The following PLIN1 variants were observed in gnomAD, a reference collection of about 807,000 sequenced individuals.
The protein encoded by PLIN1 is perilipin 1, also known as perilipin-1.
A neutral mutation model predicts 45.8 loss-of-function variants in PLIN1; 37 were observed. The ratio of observed to expected loss-of-function variants is 0.81; its 90% CI spans 0.62 to 1.06. The LOEUF (loss-of-function observed/expected upper bound fraction) is 1.06, where lower values mean the gene tolerates loss of function less well. PLIN1 is among the 50% of genes least tolerant of loss of function. The pLI is 0.00. For missense variants in PLIN1, 776 were observed against 716.5 expected (o/e 1.08, Z -0.95); for synonymous variants, 340 against 309.2 (o/e 1.10, Z -1.05).
rs1277241990 is a variant in PLIN1, at chr15:89,670,085, C to A, written c.493G>T (p.Ala165Ser). Reference protein sequence around the residue: ...GVARDTAEFAANTRAGRLASG... With the variant: ...GVARDTAEFASNTRAGRLASG... ...GCCAGTCGGCCAGCTCGAGTGTTGG[C>A]AGCAAATTCCGCAGTGTCTCTGGCC... Residue 165 changes from alanine (A) to serine (S), a missense_variant, in exon 5 of 9, where the codon GCC becomes TCC. Coordinates refer to ENST00000300055, the MANE Select transcript of PLIN1 (RefSeq NM_002666.5). 3 of 1,614,102 alleles carry A rather than the reference C, an allele frequency of 1.9e-6. No individual in the cohort carries two copies. In the Admixed American group the frequency reaches 5.0e-5, roughly 27 times the overall value.
chr15:89,679,220 A>G (rs1964562983), intron 1 of PLIN1, 31 bp downstream of exon 1: 2 of 152,142 alleles, frequency 1.3e-5, no homozygotes, highest in Admixed American at 6.6e-5. Context: ...AGAGTTTTTC[A>G]TCCCCAGCAA....
At chr15:89,671,861 A>G (rs1432667202) in intron 3 of PLIN1, among the ~76,000 whole-genome samples, 2 of 152,248 alleles carry the variant, frequency 1.3e-5, no homozygotes, top group Non-Finnish European at 2.9e-5. Context: ...AGCCTGTCTG[A>G]GCCTCTGCTT....
rs1315372333 is a variant in PLIN1, at chr15:89,670,198, G to A, written c.380C>T (p.Ala127Val). Residue 127 changes from alanine (A) to valine (V), a missense_variant, in exon 5 of 9, where the codon GCC becomes GTC. Physicochemically the swap from Ala to Val is moderately conservative, Grantham distance 64 (BLOSUM62 0). Transcript: ENST00000300055. Reference sequence around the variant, plus strand: ...GATGGGAACGCTGATGCTGTTTCTGGCACTGCGGAGGCGGGTGGAGATGGT... The same window carrying A: ...GATGGGAACGCTGATGCTGTTTCTGACACTGCGGAGGCGGGTGGAGATGGT... The part of the protein sequence containing the change: ...KDTISTRLRS[A>V]RNSISVPIAS... The A allele has an allele frequency of 6.2e-7, 1 of 1,613,784 alleles. No homozygotes were observed. The highest frequency in any genetic ancestry group is 8.5e-7 in the Non-Finnish European group (1 of 1,179,948).
chr15:89,672,330 GT>G (rs1274696444), intron 3 of PLIN1, among the ~76,000 whole-genome samples: 2 of 152,220 alleles, frequency 1.3e-5, no homozygotes, highest in African/African-American at 4.8e-5. Flanking sequence ...TTCAAGGAGA[GT>G]TCTTCATACT....
chr15:89,673,409 C>T lies in PLIN1; in HGVS notation c.51G>A (p.Gln17=), dbSNP rs1555426742. 1 of 1,597,944 alleles carries T rather than the reference C, an allele frequency of 6.3e-7. No homozygotes were observed. The highest frequency in any genetic ancestry group is 2.3e-5 in the East Asian group (1 of 44,200). The part of the protein sequence containing the change: ...LTLLDGDLPE[Q]ENVLQRVLQL... ...GCAGGACCCGCTGCAGCACATTCTC[C>T]TGCTCCTGGTGCGGAAGGAACACAT... is the stretch of plus-strand genomic sequence containing the variant. Residue 17 remains glutamine (Q), a synonymous_variant, in exon 3 of 9, where the codon CAG becomes CAA. Coordinates refer to ENST00000300055, the MANE Select transcript of PLIN1 (RefSeq NM_002666.5).
chr15:89,665,796 G>A lies in PLIN1; in HGVS notation c.1356C>T (p.Pro452=). Residue 452 remains proline (P), a synonymous_variant, in exon 9 of 9, where the codon CCC becomes CCT. Coordinates refer to ENST00000300055, the MANE Select transcript of PLIN1 (RefSeq NM_002666.5). ...TCTGCGCGCTGCGCAGGCTGCGGCG[G>A]GGCTGTGCGAGACGCGGGGCGGGCT... ...GPEPAPRLAQ[P]RRSLRSAQSP... is the part of the protein sequence containing the mutation. The A allele has an allele frequency of 7.6e-7, 1 of 1,317,776 alleles. No homozygotes were observed. The highest frequency in any genetic ancestry group is 9.7e-7 in the Non-Finnish European group (1 of 1,035,470). 81.6% of individuals were successfully genotyped at this position (1,317,776 alleles called of 1,614,324 possible).
At position 89,665,714 on chromosome 15, in the gene PLIN1, G is replaced by A. The variant is rs1293453833; in HGVS notation, c.1438C>T (p.Pro480Ser). The A allele has an allele frequency of 4.1e-5, 60 of 1,463,608 alleles. No homozygotes were observed. Among genetic ancestry groups the A allele is most frequent in the Non-Finnish European group, 5.1e-5 (57 of 1,110,516 alleles). 90.7% of individuals were successfully genotyped at this position (1,463,608 alleles called of 1,614,324 possible). A position where few individuals can be genotyped will look rare whatever the true frequency, so the allele number is the denominator to read the frequency against. ...LEDEVATPAA[P>S]RPGFPAVPRE... is the part of the protein sequence containing the mutation. The stretch of plus-strand genomic sequence containing the variant: ...GGCACGGCCGGGAAGCCCGGGCGCG[G>A]CGCTGCGGGCGTGGCGACTTCGTCC... The change falls in exon 9 of 9, where the codon CCG becomes TCG. Residue 480 changes from proline (P) to serine (S), a missense_variant. Physicochemically the swap from Pro to Ser is moderately conservative, Grantham distance 74. Coordinates refer to ENST00000300055, the MANE Select transcript of PLIN1 (RefSeq NM_002666.5).
intron 6 of PLIN1, among the ~76,000 whole-genome samples, chr15:89,668,920 C>T (rs369903973): frequency 3.9e-5 from 6 of 152,156 alleles, no homozygotes; most frequent in African/African-American, 1.4e-4. Context: ...TAGTTTCTTA[C>T]TAAAATTCCT....
rs199842965 is a variant in PLIN1 at position 89,667,012 on chromosome 15, C to T, written c.1133G>A (p.Gly378Glu). Residue 378 changes from glycine to glutamate, a missense_variant, in exon 8 of 9, where the codon GGG (glycine) becomes GAG (glutamate). Coordinates refer to ENST00000300055, the MANE Select transcript of PLIN1 (RefSeq NM_002666.5). ...GGCATCTGATAGGGACATGGCCCTC[C>T]CCTTGGTTGAGGAGACAGCAGGGGC... is the stretch of plus-strand genomic sequence containing the variant. ...TPAPAVSSTK[G>E]RAMSLSDALK... 1 of 1,613,996 alleles carries T rather than the reference C, an allele frequency of 6.2e-7. No homozygotes were observed. The highest frequency in any genetic ancestry group is 8.5e-7 in the Non-Finnish European group (1 of 1,179,986).
chr15:89,671,141 T>A (rs1964433220), intron 4 of PLIN1, among the ~76,000 whole-genome samples: 1 of 152,218 alleles, frequency 6.6e-6, no homozygotes, highest in African/African-American at 2.4e-5. Context: ...TGACTCATGA[T>A]CTTAGGCAGC....
At position 89,673,421 on chromosome 15, in the gene PLIN1, C is replaced by A; in HGVS notation, c.46-7G>T. On this transcript the variant is annotated splice_region_variant and splice_polypyrimidine_tract_variant and intron_variant, in intron 2 of 8. Transcript: ENST00000300055. ...GCAGCACATTCTCCTGCTCCTGGTG[C>A]GGAAGGAACACATTCAAGTTGTCCC... 1 of 1,590,820 alleles carries A rather than the reference C, an allele frequency of 6.3e-7. No homozygotes were observed. Among genetic ancestry groups the A allele is most frequent in the South Asian group, 1.1e-5 (1 of 87,662 alleles).
Position 89,677,777 on chromosome 15 carries a change from T to G in PLIN1, c.-14-274A>C, listed in dbSNP as rs12906281. On this transcript the variant is annotated intron_variant, in intron 1 of 8. Coordinates refer to ENST00000300055, the MANE Select transcript of PLIN1 (RefSeq NM_002666.5). ...TCTTTTTTTTTTTTTTTGAGATGGA[T>G]TCTTGCTCTGTTGCCCAGGCTGGAG... 365,448 of 425,028 alleles carry G rather than the reference T, an allele frequency of 0.86. 162,939 individuals are homozygous for G. The highest frequency in any genetic ancestry group is 0.95 in the Middle Eastern group (1,408 of 1,486). The allele number at this position is 425,028 out of a possible 1,614,324, so 26.3% of individuals were successfully genotyped here.
intron 5 of PLIN1, 149 bp from the exon 6 acceptor site, chr15:89,669,821 TGGGGTG>T: frequency 8.3e-6 from 1 of 120,982 alleles, no homozygotes; most frequent in Non-Finnish European, 1.3e-5. Flanking sequence ...TCTTTACAGA[TGGGGTG>T]GGGGTGGGGG....
intron 1 of PLIN1, among the ~76,000 whole-genome samples, chr15:89,678,895 G>A (rs1014958968): frequency 6.6e-6 from 1 of 152,084 alleles, no homozygotes; most frequent in Admixed American, 6.5e-5. Context: ...GCCCAGGATG[G>A]AATGTGGTGG....
Position 89,670,047 on chromosome 15 carries a change from G to A in PLIN1, c.531C>T (p.Ala177=), listed in dbSNP as rs148013068. 1.5e-5 allele frequency: 24 copies of A among 1,614,020 alleles called. No individual in the cohort carries two copies. Among genetic ancestry groups the A allele is most frequent in the East Asian group, 4.5e-5 (2 of 44,880 alleles). Reference sequence around the variant, plus strand: ...TCTCAATGCTGCCCAAGGCCAAGTCGGCCCCTCCAGAAGCCAGTCGGCCAG... The same window carrying A: ...TCTCAATGCTGCCCAAGGCCAAGTCAGCCCCTCCAGAAGCCAGTCGGCCAG... ...TRAGRLASGG[A]DLALGSIEKV... The change falls in exon 5 of 9, where the codon GCC becomes GCT. Residue 177 remains alanine, a synonymous_variant. Coordinates refer to ENST00000300055, the MANE Select transcript of PLIN1 (RefSeq NM_002666.5).
rs779519972 is a variant in PLIN1 at position 89,665,866 on chromosome 15, C to G, written c.1286G>C (p.Arg429Pro). Residue 429 changes from arginine to proline, a missense_variant, in exon 9 of 9, where the codon CGG (arginine) becomes CCG (proline). By Grantham distance (103) the Arg-to-Pro change is moderately radical (BLOSUM62 -2). Transcript: ENST00000300055. ...CCCAGACGCTCTGCGCTCCGCCTCC[C>G]GGCGCTCGACCTCGGCTGGTGGGTT... ...IDNPPAEVERREAERRASGAP... is the reference protein window; with the variant it reads ...IDNPPAEVERPEAERRASGAP... The G allele has an allele frequency of 4.7e-6, 7 of 1,504,022 alleles. No homozygotes were observed. The highest frequency in any genetic ancestry group is 6.2e-6 in the Non-Finnish European group (7 of 1,132,824). 93.2% of individuals were successfully genotyped at this position (1,504,022 alleles called of 1,614,324 possible). A position where few individuals can be genotyped will look rare whatever the true frequency, so the allele number is the denominator to read the frequency against.
chr15:89,677,246 T>TC, intron 2 of PLIN1, 199 bp downstream of exon 2: 2 of 625,382 alleles, frequency 3.2e-6, no homozygotes, highest in East Asian at 5.2e-5. Context: ...TTAATAGGCA[T>TC]CTTTTTTTCC....
chr15:89,669,933 T>C (rs372791108), intron 5 of PLIN1, 47 bp downstream of exon 5: 2 of 1,580,028 alleles, frequency 1.3e-6, no homozygotes, highest in Admixed American at 3.4e-5. Context: ...TCCCAGGCAG[T>C]GTGTGTGACA....
At position 89,665,469 on chromosome 15, in the gene PLIN1, C is replaced by A; in HGVS notation, c.*114G>T. The A allele has an allele frequency of 1.1e-6, 1 of 897,396 alleles. No individual in the cohort carries two copies. The highest frequency in any genetic ancestry group is 3.1e-5 in the East Asian group (1 of 31,760). 55.6% of individuals were successfully genotyped at this position (897,396 alleles called of 1,614,324 possible). A position where few individuals can be genotyped will look rare whatever the true frequency, so the allele number is the denominator to read the frequency against. On this transcript the variant is annotated 3_prime_UTR_variant, in exon 9 of 9. Transcript: ENST00000300055. Reference sequence around the variant, plus strand: ...CCTTGGCAGCATCATCAGGATGAGGCTGAGCTCCCCAGGGGACCACTTTGA... The same window carrying A: ...CCTTGGCAGCATCATCAGGATGAGGATGAGCTCCCCAGGGGACCACTTTGA...
Sources: allele counts gnomAD v4.1 joint callset (sites outside exome capture counted in the v4.1 genomes callset), GRCh38; gene constraint gnomAD v4.1.1; transcripts MANE v1.5; gene names NCBI Gene and HGNC (gene_info 2026-07-23, HGNC 2026-07-21).